Variants in DEDD2 observed in about 807,000 individuals in gnomAD.
DEDD2 encodes DNA-binding death effector domain-containing protein 2.
Under a neutral mutation model 28.9 loss-of-function variants are expected in DEDD2, and 18 were observed. The observed-to-expected ratio is 0.62, with a 90% CI of 0.43 to 0.92. The LOEUF (loss-of-function observed/expected upper bound fraction) is 0.92, where lower values mean the gene tolerates loss of function less well. DEDD2 is among the 40% of genes least tolerant of loss of function. The pLI is 0.00. For missense variants in DEDD2, 411 were observed against 463.3 expected (o/e 0.89, Z 1.04); for synonymous variants, 211 against 206.1 (o/e 1.02, Z -0.20).
chr19:42,214,288 T>A (rs887185837), intron 3 of DEDD2, among the ~76,000 whole-genome samples: 1 of 152,118 alleles, frequency 6.6e-6, no homozygotes, highest in Non-Finnish European at 1.5e-5. Flanking sequence ...AAACCTCATC[T>A]CTACTAAAAA....
Position 42,216,996 on chromosome 19 carries a change from G to A in DEDD2, c.12C>T (p.Ser4=), listed in dbSNP as rs151155731. Residue 4 remains serine (S), a synonymous_variant, in exon 2 of 5, where the codon TCC becomes TCT. Transcript: ENST00000596251. ...CCCAGCACGGGGCCGGGGTCGACCC[G>A]GATAGCGCCATTCCCGGGGGAGGGA... is the stretch of plus-strand genomic sequence containing the variant. The part of the protein sequence containing the change: MAL[S]GSTPAPCWEE... 47 of 1,588,492 alleles carry A rather than the reference G, an allele frequency of 3.0e-5. 1 individual carries two copies. In the African/African-American group the frequency reaches 5.8e-4, roughly 20 times the overall value.
rs140256906 is a variant in DEDD2, at chr19:42,216,885, C to G, written c.123G>C (p.Glu41Asp). 2 of 1,598,426 alleles carry G rather than the reference C, an allele frequency of 1.3e-6. No homozygotes were observed. Among genetic ancestry groups the G allele is most frequent in the Non-Finnish European group, 1.7e-6 (2 of 1,173,112 alleles). Reference protein sequence around the residue: ...EVVGGQLTECELELLAFLLDE... With the variant: ...EVVGGQLTECDLELLAFLLDE... ...CCAGCAGAAAGGCCAGGAGCTCCAG[C>G]TCGCACTCGGTCAGTTGCCCGCCCA... The change falls in exon 2 of 5, where the codon GAG (glutamate) becomes GAC (aspartate). Residue 41 changes from glutamate to aspartate, a missense_variant. Physicochemically the swap from Glu to Asp is conservative, Grantham distance 45. Coordinates refer to ENST00000596251, the MANE Select transcript of DEDD2 (RefSeq NM_133328.4).
chr19:42,207,803 C>T (rs904129075), intron 4 of DEDD2, among the ~76,000 whole-genome samples: 14 of 150,860 alleles, frequency 9.3e-5, no homozygotes, highest in African/African-American at 3.5e-4. Context: ...AAATCCAAAC[C>T]AAGGCCCCCC....
At chr19:42,215,290 C>G (rs2035923517) in intron 2 of DEDD2, 38 bp from the exon 3 acceptor site, 1 of 1,608,740 alleles carries the variant, frequency 6.2e-7, no homozygotes, top group East Asian at 2.2e-5. Flanking sequence ...CATTCAGCCT[C>G]CTGGCCCTAA....
At chr19:42,214,902 G>A (rs2035901867) in intron 3 of DEDD2, among the ~76,000 whole-genome samples, 2 of 152,118 alleles carry the variant, frequency 1.3e-5, no homozygotes, top group African/African-American at 2.4e-5. Flanking sequence ...ACAGCCAGGT[G>A]CAGAGTAATA....
In DEDD2 at chr19:42,199,844, G is replaced by A; in HGVS notation, c.590-15C>T. ...GAGCCGGATGTCTGCAGGGGAAGGA[G>A]GGATTTGTCAGGGAGGGGGCCAACA... On this transcript the variant is annotated splice_polypyrimidine_tract_variant and intron_variant, in intron 4 of 4. Coordinates refer to ENST00000596251, the MANE Select transcript of DEDD2 (RefSeq NM_133328.4). This position sits in a 1 kb window ranked among gnomAD's most constrained non-coding sequence, Gnocchi z 7.4. 1 of 1,573,722 alleles carries A rather than the reference G, an allele frequency of 6.4e-7. No individual in the cohort carries two copies. Among genetic ancestry groups the A allele is most frequent in the South Asian group, 1.2e-5 (1 of 86,754 alleles).
At chr19:42,211,415 G>A (rs2035755804) in intron 3 of DEDD2, among the ~76,000 whole-genome samples, 1 of 143,428 alleles carries the variant, frequency 7.0e-6, no homozygotes, top group Admixed American at 7.0e-5. Context: ...AAGGAAGGAA[G>A]GGAGAGAGGG....
At chr19:42,200,367 G>A (rs921515742) in intron 4 of DEDD2, among the ~76,000 whole-genome samples, 1 of 152,256 alleles carries the variant, frequency 6.6e-6, no homozygotes, top group African/African-American at 2.4e-5. Context: ...GTGGCACATA[G>A]TAGGTGTTCA....
At chr19:42,208,970 G>A (rs1047562951) in intron 4 of DEDD2, among the ~76,000 whole-genome samples, 1 of 152,254 alleles carries the variant, frequency 6.6e-6, no homozygotes, top group Non-Finnish European at 1.5e-5. Flanking sequence ...GGGTGCGGTG[G>A]CTCACGCCTG....
chr19:42,209,840 CCT>C lies in DEDD2; in HGVS notation c.449-2_449-1del. ...CCGCTGCCGCTTGGTTGGGGGGGAG[CCT>C]GAGGGGAAAAAAATGGGGCAAGTTG... On this transcript the variant is annotated splice_acceptor_variant, in intron 3 of 4. Transcript: ENST00000596251. LOFTEE classifies it high-confidence loss of function. The C allele has an allele frequency of 6.6e-7, 1 of 1,515,516 alleles. No homozygotes were observed. The highest frequency in any genetic ancestry group is 8.8e-7 in the Non-Finnish European group (1 of 1,133,362). 93.9% of individuals were successfully genotyped at this position (1,515,516 alleles called of 1,614,324 possible). A position where few individuals can be genotyped will look rare whatever the true frequency, so the allele number is the denominator to read the frequency against.
chr19:42,217,106 C>T (rs1599793167), intron 1 of DEDD2, 61 bp from the exon 2 acceptor site: 2 of 1,282,374 alleles, frequency 1.6e-6, no homozygotes, highest in East Asian at 5.1e-5. Flanking sequence ...GAACCCCACA[C>T]CGCCAGCGCG....
intron 3 of DEDD2, among the ~76,000 whole-genome samples, chr19:42,213,154 C>A (rs2035832851): frequency 6.6e-6 from 1 of 152,144 alleles, no homozygotes; most frequent in Admixed American, 6.5e-5. Context: ...ACACAAGAGG[C>A]TAGCCAGTTG....
intron 4 of DEDD2, 39 bp downstream of exon 4, chr19:42,209,661 G>T (rs1168128267): frequency 6.3e-7 from 1 of 1,579,270 alleles, no homozygotes; most frequent in East Asian, 2.4e-5. Flanking sequence ...ACCCACCCGG[G>T]GCACTCTACA....
rs367597563 is a variant in DEDD2 at position 42,206,086 on chromosome 19, T to A, written c.589+3614A>T. On this transcript the variant is annotated intron_variant, in intron 4 of 4. Coordinates refer to ENST00000596251, the MANE Select transcript of DEDD2 (RefSeq NM_133328.4). ...GCGACGGAGACCCTGTCTCATAATT[T>A]AAAAAAAAAAAAAAAAATTGCAGGG... Among the ~76,000 whole-genome samples, 211 of 127,644 alleles carry A rather than the reference T, an allele frequency of 1.7e-3. 2 individuals carry two copies. Among genetic ancestry groups the A allele is most frequent in the African/African-American group, 4.4e-3 (150 of 33,882 alleles). 83.7% of individuals were successfully genotyped at this position (127,644 alleles called of 152,430 possible). A position where few individuals can be genotyped will look rare whatever the true frequency, so the allele number is the denominator to read the frequency against.
intron 4 of DEDD2, among the ~76,000 whole-genome samples, chr19:42,209,348 G>A (rs542511761): frequency 1.2e-4 from 18 of 152,360 alleles, no homozygotes; most frequent in African/African-American, 4.3e-4. Flanking sequence ...AAATCAGGCA[G>A]CCTGATCCAG....
intron 4 of DEDD2, among the ~76,000 whole-genome samples, chr19:42,201,343 C>T (rs1395874049): frequency 6.6e-6 from 1 of 152,234 alleles, no homozygotes; most frequent in Non-Finnish European, 1.5e-5. Context: ...CCTGCCTAAA[C>T]AAGGGGACAA....
intron 3 of DEDD2, chr19:42,212,041 A>C (rs1235171605): frequency 6.9e-6 from 1 of 144,520 alleles, no homozygotes; most frequent in African/African-American, 2.5e-5. Context: ...CTTTCTCAAT[A>C]ATAATAATAA....
At chr19:42,215,398 GT>G in intron 2 of DEDD2, 146 bp from the exon 3 acceptor site, 2 of 1,024,106 alleles carry the variant, frequency 2.0e-6, no homozygotes, top group Non-Finnish European at 2.8e-6. Context: ...TCCTGCAGAG[GT>G]TGCTCAGATG....
chr19:42,216,210 T>A (rs766378750), intron 2 of DEDD2, among the ~76,000 whole-genome samples: 3 of 152,260 alleles, frequency 2.0e-5, no homozygotes, highest in Non-Finnish European at 4.4e-5. Context: ...TCTCTTATTA[T>A]CTGATTGCCC....
Sources: gnomAD v4.1 joint callset for allele counts (sites outside exome capture counted in the v4.1 genomes callset) on GRCh38, gnomAD v4.1.1 for gene constraint, Gnocchi (gnomAD v3.1) non-coding constraint, MANE v1.5 for transcripts, NCBI Gene and HGNC (gene_info 2026-07-23, HGNC 2026-07-21) for gene names.